The following CD22 variants were observed in gnomAD, a reference collection of about 807,000 sequenced individuals.
CD22 encodes the protein CD22 molecule, also known as B-cell receptor CD22.
Under a neutral mutation model 94.7 loss-of-function variants are expected in CD22, and 51 were observed. That is an observed-to-expected ratio of 0.54 (90% confidence interval 0.43 to 0.68). CD22 has a LOEUF of 0.68. CD22 is among the 30% of genes least tolerant of loss of function. The pLI is 0.00. For missense variants in CD22, 931 were observed against 1,060.4 expected, an observed-to-expected ratio of 0.88 and a Z score of 1.69; for synonymous variants, 424 against 422.5, an observed-to-expected ratio of 1.00 and a Z score of -0.04.
chr19:35,338,332 C>A lies in CD22; in HGVS notation c.1150C>A (p.Pro384Thr). The change falls in exon 6 of 14, where the codon CCA becomes ACA. Residue 384 changes from proline to threonine, a missense_variant. By Grantham distance (38) the Pro-to-Thr change is conservative. Transcript: ENST00000085219. The part of the protein sequence containing the change: ...QGRTEEKVHI[P>T]KILPWHAGTY... ...AAGGACAGAGGAGAAAGTCCACATC[C>A]CAAAGATCCTCCCCTGGCACGCTGG... 1 of 1,614,220 alleles carries A rather than the reference C, an allele frequency of 6.2e-7. No individual in the cohort carries two copies. Among genetic ancestry groups the A allele is most frequent in the Non-Finnish European group, 8.5e-7 (1 of 1,180,038 alleles).
Position 35,347,312 on chromosome 19 carries a change from C to G in CD22, c.*615C>G, listed in dbSNP as rs1177742660. 1 of 152,232 alleles carries G rather than the reference C, an allele frequency of 6.6e-6. No individual in the cohort carries two copies. Among genetic ancestry groups the G allele is most frequent in the Non-Finnish European group, 1.5e-5 (1 of 68,080 alleles). The allele number at this position is 152,232 out of a possible 1,614,324, so 9.4% of individuals were successfully genotyped here. On this transcript the variant is annotated 3_prime_UTR_variant, in exon 14 of 14. Coordinates refer to ENST00000085219, the MANE Select transcript of CD22 (RefSeq NM_001771.4). ...GACACACTGGTGTGGATTAACCTGC[C>G]AGGGAGACAGAGCTCACAATAAAAA... is the stretch of plus-strand genomic sequence containing the variant.
rs1022467439 is a variant in CD22, at chr19:35,332,464, TAAAC to T, written c.35-79_35-76del. On this transcript the variant is annotated intron_variant, in intron 2 of 13. Transcript: ENST00000085219. Reference sequence around the variant, plus strand: ...CCTATCTCTAAAAAGAATAAAAAATTAAACAAATTTTAAAATAAAAAATAACTTT... The same window carrying T: ...CCTATCTCTAAAAAGAATAAAAAATTAAATTTTAAAATAAAAAATAACTTT... 7.3e-6 allele frequency: 10 copies of T among 1,373,724 alleles called. No homozygotes were observed. The Admixed American group carries it at 2.0e-4, about 28-fold the overall frequency. 85.1% of individuals were successfully genotyped at this position (1,373,724 alleles called of 1,614,324 possible).
chr19:35,339,320 G>A, intron 6 of CD22, among the ~76,000 whole-genome samples: 1 of 151,998 alleles, frequency 6.6e-6, no homozygotes, highest in Middle Eastern at 3.2e-3. Flanking sequence ...CCAGCACTTT[G>A]GGAGGCCAAG....
At chr19:35,329,569 T>C (rs2066617623) in intron 1 of CD22, 1 of 230,716 alleles carries the variant, frequency 4.3e-6, no homozygotes, top group Non-Finnish European at 9.2e-6. Flanking sequence ...TAATAACTGC[T>C]GTCCCTAACC....
At chr19:35,344,791 C>A in intron 9 of CD22, 38 bp from the exon 10 acceptor site, 1 of 1,460,784 alleles carries the variant, frequency 6.8e-7, no homozygotes, top group Non-Finnish European at 9.4e-7. Context: ...GGAGAGCTGG[C>A]CCCTCAGTTG....
At position 35,332,091 on chromosome 19, in the gene CD22, G is replaced by A; in HGVS notation, c.34+17G>A. Reference sequence around the variant, plus strand: ...TGCTCCTGGGTAAGGACTGTGGCCTGGGCTAGTACTGGGGTTCTGGGATGT... The same window carrying A: ...TGCTCCTGGGTAAGGACTGTGGCCTAGGCTAGTACTGGGGTTCTGGGATGT... On this transcript the variant is annotated intron_variant, in intron 2 of 13. Coordinates refer to ENST00000085219, the MANE Select transcript of CD22 (RefSeq NM_001771.4). The A allele has an allele frequency of 6.2e-7, 1 of 1,613,944 alleles. No individual in the cohort carries two copies. The highest frequency in any genetic ancestry group is 8.5e-7 in the Non-Finnish European group (1 of 1,179,886).
intron 3 of CD22, among the ~76,000 whole-genome samples, chr19:35,335,671 G>A (rs1027004925): frequency 6.6e-6 from 1 of 152,100 alleles, no homozygotes; most frequent in Non-Finnish European, 1.5e-5. Context: ...TGGCCAACAT[G>A]GCGAAACCCT....
At chr19:35,330,375 C>T (rs2035088930) in intron 1 of CD22, among the ~76,000 whole-genome samples, 1 of 152,066 alleles carries the variant, frequency 6.6e-6, no homozygotes, top group African/African-American at 2.4e-5. Context: ...ACTCTTTTAC[C>T]CTGCCTTTCT....
intron 6 of CD22, among the ~76,000 whole-genome samples, chr19:35,339,294 G>T (rs2066771641): frequency 6.6e-6 from 1 of 151,808 alleles, no homozygotes; most frequent in Non-Finnish European, 1.5e-5. Context: ...GGGCACAGTG[G>T]CTCACACTTG....
In CD22 at chr19:35,341,966, G is replaced by A; in HGVS notation, c.2035+1G>A. 1 of 1,609,322 alleles carries A rather than the reference G, an allele frequency of 6.2e-7. No individual in the cohort carries two copies. The highest frequency in any genetic ancestry group is 8.5e-7 in the Non-Finnish European group (1 of 1,177,338). Reference sequence around the variant, plus strand: ...CCTCTCAGCACCCTCACCGTCTACTGTAAGGCCTCTTCCTGCTCTTGTTCT... The same window carrying A: ...CCTCTCAGCACCCTCACCGTCTACTATAAGGCCTCTTCCTGCTCTTGTTCT... On this transcript the variant is annotated splice_donor_variant, in intron 9 of 13. Coordinates refer to ENST00000085219, the MANE Select transcript of CD22 (RefSeq NM_001771.4). LOFTEE classifies it high-confidence loss of function. The surrounding 1 kb of genome is among the most constrained non-coding windows in gnomAD (Gnocchi z 4.0).
chr19:35,332,599 T>C lies in CD22; in HGVS notation c.87T>C (p.Pro29=). ...CAAGTAAATGGGTTTTTGAGCACCC[T>C]GAAACCCTCTACGCCTGGGAGGGGG... ...SDSSKWVFEH[P]ETLYAWEGAC... is the part of the protein sequence containing the mutation. Residue 29 remains proline (P), a synonymous_variant, in exon 3 of 14, where the codon CCT becomes CCC. Coordinates refer to ENST00000085219, the MANE Select transcript of CD22 (RefSeq NM_001771.4). 6.2e-7 allele frequency: 1 copy of C among 1,614,148 alleles called. No homozygotes were observed. The highest frequency in any genetic ancestry group is 8.5e-7 in the Non-Finnish European group (1 of 1,179,992).
chr19:35,346,024 TG>T, intron 12 of CD22, 126 bp from the exon 13 acceptor site: 2 of 726,308 alleles, frequency 2.8e-6, no homozygotes, highest in Non-Finnish European at 2.4e-6. Flanking sequence ...CTTTGGGCAC[TG>T]GGGAGGCCAC....
intron 9 of CD22, among the ~76,000 whole-genome samples, chr19:35,344,356 T>G (rs2066867319): frequency 6.6e-6 from 1 of 152,236 alleles, no homozygotes; most frequent in African/African-American, 2.4e-5. Flanking sequence ...GAGCCTCCTC[T>G]TTTTCCTGGG....
In CD22 at chr19:35,337,777, G is replaced by C; in HGVS notation, c.741G>C (p.Lys247Asn). 1 of 1,604,328 alleles carries C rather than the reference G, an allele frequency of 6.2e-7. No individual in the cohort carries two copies. Among genetic ancestry groups the C allele is most frequent in the Non-Finnish European group, 8.5e-7 (1 of 1,172,250 alleles). ...NVKHTPKLEI[K>N]VTPSDAIVRE... Reference sequence around the variant, plus strand: ...CAGACACCCCGAAGTTGGAGATCAAGGTCACTCCCAGTGATGCCATAGTGA... The same window carrying C: ...CAGACACCCCGAAGTTGGAGATCAACGTCACTCCCAGTGATGCCATAGTGA... Residue 247 changes from lysine (K) to asparagine (N), a missense_variant, in exon 5 of 14, where the codon AAG becomes AAC. Physicochemically the swap from Lys to Asn is moderately conservative, Grantham distance 94 (BLOSUM62 0). Coordinates refer to ENST00000085219, the MANE Select transcript of CD22 (RefSeq NM_001771.4). The surrounding 1 kb of genome is among the most constrained non-coding windows in gnomAD (Gnocchi z 4.4).
intron 6 of CD22, among the ~76,000 whole-genome samples, chr19:35,339,728 G>T (rs1207653882): frequency 6.6e-6 from 1 of 151,980 alleles, no homozygotes. Context: ...ATGGTGGCAG[G>T]CACCTGAAAT....
At chr19:35,343,215 C>T (rs533375901) in intron 9 of CD22, among the ~76,000 whole-genome samples, 1 of 151,886 alleles carries the variant, frequency 6.6e-6, no homozygotes, top group Non-Finnish European at 1.5e-5. Context: ...ACTCCTGCCT[C>T]GGCCTCCACA....
chr19:35,336,085 C>T lies in CD22; in HGVS notation c.462C>T (p.Ser154=), dbSNP rs2066719467. The change falls in exon 4 of 14, where the codon TCC becomes TCT. Residue 154 remains serine (S), a synonymous_variant. Coordinates refer to ENST00000085219, the MANE Select transcript of CD22 (RefSeq NM_001771.4). ...AGCTCCCTCCAGAAATTCAAGAGTC[C>T]CAGGAAGTCACTCTGACCTGCTTGC... ...HIQLPPEIQE[S]QEVTLTCLLN... The T allele has an allele frequency of 6.2e-7, 1 of 1,613,918 alleles. No individual in the cohort carries two copies. Among genetic ancestry groups the T allele is most frequent in the South Asian group, 1.1e-5 (1 of 91,070 alleles).
At chr19:35,345,029 C>T (rs778089037) in intron 10 of CD22, 22 bp from the exon 11 acceptor site, 2 of 1,611,962 alleles carry the variant, frequency 1.2e-6, no homozygotes, top group Non-Finnish European at 1.7e-6. Flanking sequence ...CTGACCCTCA[C>T]ACATGTGCCT....
rs753434112 is a variant in CD22, at chr19:35,344,848, C to G, written c.2055C>G (p.Gly685=). 7 of 1,612,782 alleles carry G rather than the reference C, an allele frequency of 4.3e-6. No individual in the cohort carries two copies. Among genetic ancestry groups the G allele is most frequent in the Non-Finnish European group, 5.9e-6 (7 of 1,179,062 alleles). ...LTVYYSPETI[G]RRVAVGLGSC... ...ACCCAGATAGCCCGGAGACCATCGG[C>G]AGGCGAGTGGCTGTGGGACTCGGGT... The change falls in exon 10 of 14, where the codon GGC becomes GGG. Residue 685 remains glycine, a synonymous_variant. Transcript: ENST00000085219.
Sources: allele counts gnomAD v4.1 joint callset (sites outside exome capture counted in the v4.1 genomes callset), GRCh38; gene constraint gnomAD v4.1.1; non-coding constraint Gnocchi (gnomAD v3.1); transcripts MANE v1.5; gene names NCBI Gene and HGNC (gene_info 2026-07-23, HGNC 2026-07-21).